Variants in RAD51B observed in about 807,000 individuals in gnomAD.
RAD51B encodes RAD51 paralog B.
RAD51B carries 38 observed loss-of-function variants against 42.2 expected under a neutral mutation model. The ratio of observed to expected loss-of-function variants is 0.90; its 90% confidence interval spans 0.70 to 1.18. The LOEUF is 1.18. Ranked by LOEUF, RAD51B falls within the 50% of genes most tolerant of loss-of-function variation. The pLI is 0.00. For missense variants in RAD51B, 373 were observed against 400.7 expected (o/e 0.93, Z 0.59); for synonymous variants, 154 against 145.2 (o/e 1.06, Z -0.43).
chr14:68,441,024 A>C lies in RAD51B; in HGVS notation c.958-27148A>C, dbSNP rs374950410. On this transcript the variant is annotated intron_variant, in intron 9 of 10. Coordinates refer to ENST00000471583, the MANE Select transcript of RAD51B (RefSeq NM_133510.4). Reference sequence around the variant, plus strand: ...CTTTATAGACCTTGGGGTCAGATATATGTTTTATATGAAAAGAGCAAGATT... The same window carrying C: ...CTTTATAGACCTTGGGGTCAGATATCTGTTTTATATGAAAAGAGCAAGATT... Among the ~76,000 whole-genome samples the C allele has an allele frequency of 6.6e-5, 10 of 152,338 alleles. No homozygotes were observed. The East Asian group carries it at 1.9e-3, about 29-fold the overall frequency.
chr14:67,913,392 G>A (rs776025052), intron 7 of RAD51B, among the ~76,000 whole-genome samples: 12 of 152,060 alleles, frequency 7.9e-5, no homozygotes, highest in Non-Finnish European at 1.8e-4. Flanking sequence ...GGGACTGCTG[G>A]GTGTCTCTGG....
chr14:67,878,517 G>A (rs780362366), intron 5 of RAD51B, among the ~76,000 whole-genome samples: 1 of 151,594 alleles, frequency 6.6e-6, no homozygotes, highest in Non-Finnish European at 1.5e-5. Context: ...TTCTTTGGTG[G>A]TTGATCTTTC....
intron 8 of RAD51B, among the ~76,000 whole-genome samples, chr14:68,383,114 T>C (rs17105508): frequency 0.037 from 5,707 of 152,310 alleles, 353 homozygotes; most frequent in African/African-American, 0.13. Context: ...TTGGCACAAA[T>C]TTCCTTTCAG....
intron 10 of RAD51B, among the ~76,000 whole-genome samples, chr14:68,646,949 T>C (rs1017984716): frequency 6.6e-6 from 1 of 152,230 alleles, no homozygotes; most frequent in African/African-American, 2.4e-5. Context: ...AACTATACAA[T>C]GAGGCTATTT....
chr14:68,245,281 G>A (rs1188107914), intron 7 of RAD51B, among the ~76,000 whole-genome samples: 1 of 152,210 alleles, frequency 6.6e-6, no homozygotes, highest in Non-Finnish European at 1.5e-5. Flanking sequence ...TTGGGGAACT[G>A]CAGCTGCTGC....
intron 11 of RAD51B, among the ~76,000 whole-genome samples, chr14:68,665,208 C>T (rs76381371): frequency 0.016 from 2,407 of 152,374 alleles, 54 homozygotes; most frequent in African/African-American, 0.054. Flanking sequence ...AGGCTTTCTG[C>T]CTGGCCCCGG....
At chr14:68,660,370 G>A (rs767215263) in intron 11 of RAD51B, among the ~76,000 whole-genome samples, 1 of 152,186 alleles carries the variant, frequency 6.6e-6, no homozygotes, top group Non-Finnish European at 1.5e-5. Context: ...TAAATGCTTA[G>A]TCTTTCTGCT....
At chr14:67,946,856 G>T (rs2045413150) in intron 7 of RAD51B, among the ~76,000 whole-genome samples, 1 of 152,180 alleles carries the variant, frequency 6.6e-6, no homozygotes, top group South Asian at 2.1e-4. Flanking sequence ...GAACAGGATA[G>T]TTATAACTTA....
At chr14:68,230,532 C>A (rs1308385294) in intron 7 of RAD51B, among the ~76,000 whole-genome samples, 1 of 152,154 alleles carries the variant, frequency 6.6e-6, no homozygotes, top group Non-Finnish European at 1.5e-5. Context: ...ACCAGCACTG[C>A]CCATAATAAA....
chr14:68,058,122 C>T (rs962592442), intron 7 of RAD51B, among the ~76,000 whole-genome samples: 5 of 151,780 alleles, frequency 3.3e-5, no homozygotes, highest in African/African-American at 9.7e-5. Flanking sequence ...GTATATGATA[C>T]TCAATTTTAT....
At chr14:68,502,407 C>A (rs561630202) in intron 10 of RAD51B, among the ~76,000 whole-genome samples, 1 of 152,320 alleles carries the variant, frequency 6.6e-6, no homozygotes, top group South Asian at 2.1e-4. Context: ...CACGGGCCGC[C>A]CGGGACTTTC....
chr14:68,350,459 A>C (rs1454703876), intron 8 of RAD51B, among the ~76,000 whole-genome samples: 1 of 152,258 alleles, frequency 6.6e-6, no homozygotes, highest in Non-Finnish European at 1.5e-5. Context: ...CTGCATCTGC[A>C]TGTTACTATA....
At chr14:67,842,052 T>C (rs2041448515) in intron 4 of RAD51B, among the ~76,000 whole-genome samples, 1 of 152,244 alleles carries the variant, frequency 6.6e-6, no homozygotes, top group Non-Finnish European at 1.5e-5. Flanking sequence ...TTGTATCATC[T>C]ATGATTTCTT....
intron 10 of RAD51B, chr14:68,562,261 G>A (rs1889192047): frequency 3.0e-6 from 3 of 985,410 alleles, no homozygotes; most frequent in East Asian, 1.1e-4. Flanking sequence ...AACAGGTGGG[G>A]GCCAGATCTT....
intron 10 of RAD51B, among the ~76,000 whole-genome samples, chr14:68,500,261 A>G (rs1345322391): frequency 1.3e-5 from 2 of 152,246 alleles, no homozygotes; most frequent in Non-Finnish European, 2.9e-5. Flanking sequence ...TATGTCACAT[A>G]CATTATCCCA....
At chr14:68,393,321 C>G (rs1440664811) in intron 8 of RAD51B, among the ~76,000 whole-genome samples, 3 of 152,130 alleles carry the variant, frequency 2.0e-5, no homozygotes, top group African/African-American at 7.2e-5. Context: ...TTCAGTGCAC[C>G]GTCAAACTAG....
At chr14:68,230,083 G>A (rs1284638481) in intron 7 of RAD51B, among the ~76,000 whole-genome samples, 1 of 152,150 alleles carries the variant, frequency 6.6e-6, no homozygotes, top group African/African-American at 2.4e-5. Flanking sequence ...CACTGAGAAG[G>A]CACAGAGGAG....
At chr14:68,008,226 A>G (rs2075623706) in intron 7 of RAD51B, among the ~76,000 whole-genome samples, 2 of 151,994 alleles carry the variant, frequency 1.3e-5, no homozygotes, top group Non-Finnish European at 2.9e-5. Context: ...TAAATTTATA[A>G]TCAGCAAGAG....
intron 7 of RAD51B, among the ~76,000 whole-genome samples, chr14:67,946,291 T>C (rs2045388651): frequency 1.3e-5 from 2 of 152,216 alleles, no homozygotes; most frequent in Non-Finnish European, 1.5e-5. Flanking sequence ...CTTCGTGGAA[T>C]AAATAGCTAA....
Sources: allele counts gnomAD v4.1 joint callset (sites outside exome capture counted in the v4.1 genomes callset), GRCh38; gene constraint gnomAD v4.1.1; transcripts MANE v1.5; gene names NCBI Gene and HGNC (gene_info 2026-07-23, HGNC 2026-07-21).